The following AGBL3 variants were observed in gnomAD, a reference collection of about 807,000 sequenced individuals.
The protein encoded by AGBL3 is cytosolic carboxypeptidase 3.
In AGBL3, 68 loss-of-function variants were observed where a neutral mutation model predicts 94.5. That is an observed-to-expected ratio of 0.72 (90% CI 0.59 to 0.88). AGBL3 has a LOEUF of 0.88. Ranked by LOEUF, AGBL3 falls within the 40% of genes least tolerant of loss-of-function variation. The pLI is 0.00. For synonymous variants in AGBL3, 354 were observed against 370.7 expected (o/e 0.95, Z 0.52); for missense variants, 934 against 1,103.8 (o/e 0.85, Z 2.18).
chr7:135,008,938 C>CT (rs1325224882), intron 4 of AGBL3, among the ~76,000 whole-genome samples: 1 of 152,156 alleles, frequency 6.6e-6, no homozygotes, highest in Non-Finnish European at 1.5e-5. Context: ...TAAGATACCT[C>CT]TTTACCCCCA....
intron 16 of AGBL3, among the ~76,000 whole-genome samples, chr7:135,132,598 C>A (rs914491699): frequency 1.3e-5 from 2 of 152,160 alleles, no homozygotes; most frequent in South Asian, 2.1e-4. Context: ...ATAATCCCCA[C>A]GTGTCAAGGC....
intron 3 of AGBL3, 54 bp downstream of exon 3, chr7:134,989,364 A>G: frequency 2.4e-6 from 3 of 1,244,340 alleles, no homozygotes; most frequent in Non-Finnish European, 3.3e-6. Flanking sequence ...AATGGATAAA[A>G]AAGAAGATGA....
intron 4 of AGBL3, among the ~76,000 whole-genome samples, chr7:135,003,172 A>G (rs1380063734): frequency 6.6e-6 from 1 of 152,166 alleles, no homozygotes; most frequent in African/African-American, 2.4e-5. Flanking sequence ...CCATTTTGAT[A>G]TAAGAAGTAA....
chr7:135,023,885 A>T (rs1238729937), intron 5 of AGBL3, among the ~76,000 whole-genome samples: 1 of 152,210 alleles, frequency 6.6e-6, no homozygotes, highest in East Asian at 1.9e-4. Context: ...GTGGCCTAGG[A>T]GCACTTCACA....
chr7:135,057,344 A>G (rs557713813), intron 11 of AGBL3, among the ~76,000 whole-genome samples: 1 of 152,308 alleles, frequency 6.6e-6, no homozygotes, highest in African/African-American at 2.4e-5. Context: ...TGAATTTGGT[A>G]ATGACTTTTT....
intron 3 of AGBL3, 49 bp downstream of exon 3, chr7:134,989,359 A>G: frequency 7.8e-7 from 1 of 1,285,336 alleles, no homozygotes; most frequent in Non-Finnish European, 1.1e-6. Flanking sequence ...CTTTGAATGG[A>G]TAAAAAAGAA....
At chr7:135,108,349 T>A (rs1191357883) in intron 15 of AGBL3, among the ~76,000 whole-genome samples, 1 of 152,190 alleles carries the variant, frequency 6.6e-6, no homozygotes, top group African/African-American at 2.4e-5. Context: ...GGTATTGGTC[T>A]TTCCTTTCCA....
At chr7:135,066,384 A>G (rs561753789) in intron 12 of AGBL3, among the ~76,000 whole-genome samples, 6 of 152,364 alleles carry the variant, frequency 3.9e-5, no homozygotes, top group South Asian at 2.1e-4. Flanking sequence ...AAGTTGTTCA[A>G]CATCACTAAT....
At chr7:135,078,009 T>TACC (rs1187739810) in intron 13 of AGBL3, among the ~76,000 whole-genome samples, 2 of 152,176 alleles carry the variant, frequency 1.3e-5, no homozygotes, top group African/African-American at 4.8e-5. Flanking sequence ...CCTGATTAGC[T>TACC]ACCTACTGCA....
chr7:134,987,494 AAACTT>A (rs1190483039), intron 1 of AGBL3, among the ~76,000 whole-genome samples: 1 of 152,232 alleles, frequency 6.6e-6, no homozygotes, highest in Non-Finnish European at 1.5e-5. Context: ...ATCAAGGAGA[AAACTT>A]AAAATTATAT....
chr7:135,101,892 C>T (rs2348269), intron 15 of AGBL3, among the ~76,000 whole-genome samples: 141,533 of 152,068 alleles, frequency 0.93, 66,643 homozygotes, highest in Non-Finnish European at 1. Context: ...ATGGAGGCGG[C>T]GTCCCCCATG....
chr7:135,049,814 T>C (rs1261301141), intron 11 of AGBL3, among the ~76,000 whole-genome samples: 1 of 151,714 alleles, frequency 6.6e-6, no homozygotes, highest in African/African-American at 2.4e-5. Flanking sequence ...TCATAATTAG[T>C]TTAGCTAAGA....
At chr7:135,109,780 G>GC (rs1825345949) in intron 15 of AGBL3, among the ~76,000 whole-genome samples, 1 of 152,182 alleles carries the variant, frequency 6.6e-6, no homozygotes, top group Non-Finnish European at 1.5e-5. Flanking sequence ...GCTGTGCTGC[G>GC]CCAGGGGACC....
At chr7:135,125,830 G>A (rs1230968546) in intron 16 of AGBL3, among the ~76,000 whole-genome samples, 1 of 152,124 alleles carries the variant, frequency 6.6e-6, no homozygotes, top group Non-Finnish European at 1.5e-5. Flanking sequence ...AAAGAGTTTT[G>A]ATAAAATTCA....
At chr7:135,111,329 C>A (rs1437284810) in intron 15 of AGBL3, among the ~76,000 whole-genome samples, 2 of 152,210 alleles carry the variant, frequency 1.3e-5, no homozygotes, top group Non-Finnish European at 2.9e-5. Context: ...CACTTCCTCA[C>A]TTGTATACTT....
chr7:135,083,998 G>A (rs1821127617), intron 15 of AGBL3, among the ~76,000 whole-genome samples: 1 of 152,140 alleles, frequency 6.6e-6, no homozygotes, highest in African/African-American at 2.4e-5. Context: ...TCGGTTGGAG[G>A]CCAAGCAGTT....
chr7:135,006,000 T>G (rs1026369571), intron 4 of AGBL3, among the ~76,000 whole-genome samples: 25 of 151,860 alleles, frequency 1.6e-4, no homozygotes, highest in African/African-American at 6.0e-4. Flanking sequence ...AAATCTTTTT[T>G]AAAATAGAAA....
chr7:135,010,100 C>T (rs1317688926), intron 4 of AGBL3: 1 of 419,946 alleles, frequency 2.4e-6, no homozygotes, highest in Non-Finnish European at 4.6e-6. Flanking sequence ...GCGATCTCGG[C>T]TCACTGCAAC....
chr7:135,051,152 T>A (rs895979354), intron 11 of AGBL3: 2 of 368,656 alleles, frequency 5.4e-6, no homozygotes, highest in African/African-American at 4.4e-5. Flanking sequence ...CTCCCACTTA[T>A]AGGTGAGTAC....
Sources: gnomAD v4.1 joint callset for allele counts (sites outside exome capture counted in the v4.1 genomes callset) on GRCh38, gnomAD v4.1.1 for gene constraint, MANE v1.5 for transcripts, NCBI Gene and HGNC (gene_info 2026-07-23, HGNC 2026-07-21) for gene names.